The following MYNN variants were observed in gnomAD, a reference collection of about 807,000 sequenced individuals.
MYNN encodes the protein zinc finger and BTB domain-containing protein 31.
In MYNN, 22 loss-of-function variants were observed where a neutral mutation model predicts 57.2. The ratio of observed to expected loss-of-function variants is 0.38; its 90% CI spans 0.27 to 0.55. The LOEUF is 0.55. Ranked by LOEUF, MYNN falls within the 20% of genes least tolerant of loss-of-function variation. The probability of loss-of-function intolerance (pLI) is 0.71; values close to 1 mark genes in which losing one functional copy is unlikely to be tolerated. For synonymous variants in MYNN, 241 were observed against 257.1 expected (o/e 0.94, Z 0.60); for missense variants, 566 against 723.1 (o/e 0.78, Z 2.49).
In MYNN at chr3:169,786,576, G is replaced by C; in HGVS notation, c.1731G>C (p.Leu577=). The C allele has an allele frequency of 6.2e-7, 1 of 1,613,642 alleles. No individual in the cohort carries two copies. The highest frequency in any genetic ancestry group is 8.5e-7 in the Non-Finnish European group (1 of 1,179,654). ...GGACTGAGGACCATCACATGCTTCT[G>C]CCTGTCACGGATACTCAGTCTCCTA... ...PLGTEDHHML[L]PVTDTQSPTS... is the part of the protein sequence containing the mutation. Residue 577 remains leucine, a synonymous_variant, in exon 8 of 8, where the codon CTG becomes CTC. Coordinates refer to ENST00000349841, the MANE Select transcript of MYNN (RefSeq NM_018657.5).
In MYNN at chr3:169,782,936, C is replaced by A. The variant is rs892023972; in HGVS notation, c.1399+293C>A. Among the ~76,000 whole-genome samples the A allele has an allele frequency of 6.6e-6, 1 of 151,928 alleles. No homozygotes were observed. The highest frequency in any genetic ancestry group is 2.4e-5 in the African/African-American group (1 of 41,370). On this transcript the variant is annotated intron_variant, in intron 5 of 7. Transcript: ENST00000349841. This position sits in a 1 kb window ranked among gnomAD's most constrained non-coding sequence, Gnocchi z 4.8. ...ATGCATTTTGTGACTTTATAAAAAC[C>A]TTTTCAGCTTCCTAAAGGGTCATCT...
chr3:169,780,802 T>G (rs1434696031), intron 4 of MYNN, 53 bp downstream of exon 4: 1 of 1,376,636 alleles, frequency 7.3e-7, no homozygotes, highest in African/African-American at 1.5e-5. Context: ...CACCATAGTC[T>G]TATGAATAGA....
intron 7 of MYNN, among the ~76,000 whole-genome samples, 160 bp from the exon 8 acceptor site, chr3:169,786,256 A>C (rs1417442380): frequency 6.6e-6 from 1 of 152,094 alleles, no homozygotes; most frequent in African/African-American, 2.4e-5. Flanking sequence ...GATTGAATTT[A>C]CATAGATAGT....
At chr3:169,775,463 A>T (rs1302710907) in intron 2 of MYNN, among the ~76,000 whole-genome samples, 1 of 152,206 alleles carries the variant, frequency 6.6e-6, no homozygotes, top group Non-Finnish European at 1.5e-5. Context: ...CAGGAAGATT[A>T]TAGGCTTTGG....
At chr3:169,777,340 G>A (rs940568433) in intron 2 of MYNN, 2 of 152,028 alleles carry the variant, frequency 1.3e-5, no homozygotes, top group Non-Finnish European at 2.9e-5. Context: ...AGTATCACCA[G>A]CACTATATTT....
rs1193385845 is a variant in MYNN, at chr3:169,789,341, T to A, written c.*2663T>A. ...GTGAGTAGTTGAAATAATGTACATG[T>A]ACTAGTTTTTTTAAGTATTCTAAAT... On this transcript the variant is annotated 3_prime_UTR_variant, in exon 8 of 8. Transcript: ENST00000349841. 2.6e-5 allele frequency: 4 copies of A among 152,186 alleles called. No homozygotes were observed. Among genetic ancestry groups the A allele is most frequent in the Non-Finnish European group, 5.9e-5 (4 of 68,012 alleles). The allele number at this position is 152,186 out of a possible 1,614,324, so 9.4% of individuals were successfully genotyped here. A position where few individuals can be genotyped will look rare whatever the true frequency, so the allele number is the denominator to read the frequency against.
In MYNN at chr3:169,779,076, GGCAGAATAAAACAGT is replaced by G; in HGVS notation, c.579_593del (p.Asn194_Gln198del). The G allele has an allele frequency of 6.2e-7, 1 of 1,614,076 alleles. No individual in the cohort carries two copies. Among genetic ancestry groups the G allele is most frequent in the South Asian group, 1.1e-5 (1 of 91,082 alleles). ...AAGGCTTTCAACTCCCCGAAAACAG[GGCAGAATAAAACAGT>G]GCAATATCCCAGTGACATCTTAGAG... On this transcript the variant is annotated inframe_deletion, in exon 3 of 8. Transcript: ENST00000349841.
At chr3:169,784,487 G>C (rs1403563100) in intron 6 of MYNN, 135 bp from the exon 7 acceptor site, 10 of 594,560 alleles carry the variant, frequency 1.7e-5, no homozygotes, top group Non-Finnish European at 2.7e-5. Context: ...TTATAACCAG[G>C]TGATTAAAGT....
rs776068540 is a variant in MYNN at position 169,779,278 on chromosome 3, A to G, written c.777A>G (p.Lys259=). The G allele has an allele frequency of 1.2e-6, 2 of 1,614,214 alleles. No homozygotes were observed. The highest frequency in any genetic ancestry group is 4.5e-5 in the East Asian group (2 of 44,892). ...DIVHTVTVKR[K]RGKSQPNCAL... Reference sequence around the variant, plus strand: ...TGCACACTGTTACAGTGAAACGGAAACGTGGAAAATCACAGCCAAACTGTG... The same window carrying G: ...TGCACACTGTTACAGTGAAACGGAAGCGTGGAAAATCACAGCCAAACTGTG... The change falls in exon 3 of 8, where the codon AAA becomes AAG. Residue 259 remains lysine (K), a synonymous_variant. Transcript: ENST00000349841.
intron 2 of MYNN, among the ~76,000 whole-genome samples, chr3:169,776,765 G>A (rs527592742): frequency 4.2e-5 from 6 of 142,248 alleles, no homozygotes; most frequent in East Asian, 2.2e-4. Context: ...GTGCAATGGC[G>A]TGATCTCGGC....
chr3:169,777,216 G>A (rs181230864), intron 2 of MYNN: 8 of 152,336 alleles, frequency 5.3e-5, no homozygotes, highest in Admixed American at 6.5e-5. Flanking sequence ...TTAATTAGAA[G>A]ATGATGAGAA....
At chr3:169,784,599 T>A in intron 6 of MYNN, 23 bp from the exon 7 acceptor site, 1 of 1,451,372 alleles carries the variant, frequency 6.9e-7, no homozygotes, top group Non-Finnish European at 9.4e-7. Flanking sequence ...TATTGAAATT[T>A]AAACTTCTAA....
chr3:169,778,593 T>A (rs1252177482), intron 2 of MYNN, 175 bp from the exon 3 acceptor site: 1 of 519,982 alleles, frequency 1.9e-6, no homozygotes, highest in Non-Finnish European at 3.3e-6. Context: ...AAATTGGAGA[T>A]TTTTTACCTA....
chr3:169,781,086 GT>G (rs1368936671), intron 4 of MYNN, among the ~76,000 whole-genome samples: 1 of 152,196 alleles, frequency 6.6e-6, no homozygotes, highest in Non-Finnish European at 1.5e-5. Flanking sequence ...GGTGATGGTG[GT>G]TCAGGCCAGG....
chr3:169,778,705 C>T (rs920410059), intron 2 of MYNN, 63 bp from the exon 3 acceptor site: 1 of 1,305,462 alleles, frequency 7.7e-7, no homozygotes, highest in African/African-American at 1.5e-5. Flanking sequence ...AGTATATATG[C>T]AGCTCTGTTT....
In MYNN at chr3:169,784,702, C is replaced by T; in HGVS notation, c.1564C>T (p.His522Tyr). 6.4e-7 allele frequency: 1 copy of T among 1,565,972 alleles called. No homozygotes were observed. Among genetic ancestry groups the T allele is most frequent in the South Asian group, 1.2e-5 (1 of 84,872 alleles). ...TTTAAAGAAGCACAAAACAAAAGTC[C>T]ATTCTGGTAAATGCTTGTGTTTTGT... is the stretch of plus-strand genomic sequence containing the variant. ...KNLKKHKTKV[H>Y]SGADKTLDSS... is the part of the protein sequence containing the mutation. Residue 522 changes from histidine to tyrosine, a missense_variant, in exon 7 of 8, where the codon CAT becomes TAT. Physicochemically the swap from His to Tyr is moderately conservative, Grantham distance 83. Transcript: ENST00000349841.
intron 2 of MYNN, 128 bp from the exon 3 acceptor site, chr3:169,778,639 CT>C (rs1325525759): frequency 1.5e-6 from 1 of 662,272 alleles, no homozygotes; most frequent in African/African-American, 1.8e-5. Flanking sequence ...ATCTATTTTT[CT>C]CTTAGTTATG....
At position 169,787,070 on chromosome 3, in the gene MYNN, C is replaced by T. The variant is rs1321457644; in HGVS notation, c.*392C>T. The T allele has an allele frequency of 4.1e-5, 8 of 193,108 alleles. No individual in the cohort carries two copies. Among genetic ancestry groups the T allele is most frequent in the East Asian group, 2.4e-4 (2 of 8,410 alleles). The allele number at this position is 193,108 out of a possible 1,614,324, so 12.0% of individuals were successfully genotyped here. Reference sequence around the variant, plus strand: ...GCCCTCATAATTTAAGCAAAATCCACGATAGTATCAGCCCAAGAGTGTGTT... The same window carrying T: ...GCCCTCATAATTTAAGCAAAATCCATGATAGTATCAGCCCAAGAGTGTGTT... On this transcript the variant is annotated 3_prime_UTR_variant, in exon 8 of 8. Transcript: ENST00000349841.
rs1405912464 is a variant in MYNN at position 169,782,642 on chromosome 3, A to C, written c.1398A>C (p.Thr466=). The C allele has an allele frequency of 1.2e-6, 2 of 1,612,972 alleles. No homozygotes were observed. The highest frequency in any genetic ancestry group is 2.7e-5 in the African/African-American group (2 of 74,906). ...TTATCACTCATTCTCGAAAACATACAGGTAAGTTTGACAGGGAGAGACTGC... is the reference window on the plus strand; with the variant it reads ...TTATCACTCATTCTCGAAAACATACCGGTAAGTTTGACAGGGAGAGACTGC... The part of the protein sequence containing the change: ...SSLITHSRKH[T]GEKPYICGIC... Residue 466 remains threonine, a splice_region_variant and synonymous_variant, in exon 5 of 8, where the codon ACA becomes ACC. Coordinates refer to ENST00000349841, the MANE Select transcript of MYNN (RefSeq NM_018657.5). This position sits in a 1 kb window ranked among gnomAD's most constrained non-coding sequence, Gnocchi z 4.8.
Sources: gnomAD v4.1 joint callset for allele counts (sites outside exome capture counted in the v4.1 genomes callset) on GRCh38, gnomAD v4.1.1 for gene constraint, Gnocchi (gnomAD v3.1) non-coding constraint, MANE v1.5 for transcripts, NCBI Gene and HGNC (gene_info 2026-07-23, HGNC 2026-07-21) for gene names.